DCAF1: variants seen among roughly 807,000 people sequenced by gnomAD.
DCAF1 encodes the protein DDB1- and CUL4-associated factor 1.
DCAF1 carries 15 observed loss-of-function variants against 128.0 expected under a neutral mutation model. That is an observed-to-expected ratio of 0.12 (90% CI 0.08 to 0.18). The LOEUF is 0.18. Ranked by LOEUF, DCAF1 falls within the 10% of genes least tolerant of loss-of-function variation. DCAF1 has a pLI of 1.00. For missense variants in DCAF1, 988 were observed against 1,649.5 expected, an observed-to-expected ratio of 0.60 and a Z score of 6.95; for synonymous variants, 610 against 603.0, an observed-to-expected ratio of 1.01 and a Z score of -0.17.
chr3:51,438,614 G>A (rs901605614), intron 9 of DCAF1, among the ~76,000 whole-genome samples: 1 of 152,160 alleles, frequency 6.6e-6, no homozygotes, highest in African/African-American at 2.4e-5. Flanking sequence ...ATTTTCTTTT[G>A]GCTTTCAGGA....
At chr3:51,422,564 T>C in intron 13 of DCAF1, 133 bp from the exon 14 acceptor site, 1 of 624,422 alleles carries the variant, frequency 1.6e-6, no homozygotes, top group Non-Finnish European at 2.9e-6. Flanking sequence ...CCAGTGTGGC[T>C]CTATCTCAAG....
At chr3:51,400,019 C>T (rs1553624383) in intron 24 of DCAF1, among the ~76,000 whole-genome samples, 1 of 152,178 alleles carries the variant, frequency 6.6e-6, no homozygotes, top group African/African-American at 2.4e-5. Context: ...AGGAGGAAAA[C>T]TGAAGTGGAC....
chr3:51,453,987 C>T (rs1702619219), intron 6 of DCAF1, among the ~76,000 whole-genome samples: 1 of 152,002 alleles, frequency 6.6e-6, no homozygotes, highest in East Asian at 1.9e-4. Context: ...GGGACATACG[C>T]AATTCACACA....
intron 4 of DCAF1, among the ~76,000 whole-genome samples, chr3:51,469,334 G>A (rs1016021376): frequency 2.0e-5 from 3 of 149,578 alleles, no homozygotes; most frequent in Admixed American, 6.8e-5. Flanking sequence ...GGGTTCAAGC[G>A]ATTCTCCTGC....
chr3:51,426,116 A>G (rs1295361503), intron 13 of DCAF1, among the ~76,000 whole-genome samples: 1 of 152,230 alleles, frequency 6.6e-6, no homozygotes, highest in Non-Finnish European at 1.5e-5. Context: ...ACAGAAGCAG[A>G]TATGAGATAT....
intron 5 of DCAF1, 57 bp from the exon 6 acceptor site, chr3:51,463,284 G>C: frequency 1.7e-6 from 2 of 1,159,474 alleles, no homozygotes; most frequent in Admixed American, 2.8e-5. Context: ...TCAAATTAAG[G>C]ACATCTAATA....
In DCAF1 at chr3:51,447,163, T is replaced by G. The variant is rs374563740; in HGVS notation, c.376-3260A>C. On this transcript the variant is annotated intron_variant, in intron 6 of 24. Coordinates refer to ENST00000684031, the MANE Select transcript of DCAF1 (RefSeq NM_001387579.1). Reference sequence around the variant, plus strand: ...GGCTCATGCCTGTAATCCTAGCACTTTGCAAGGCCAAGGCGGGTGGATCAC... The same window carrying G: ...GGCTCATGCCTGTAATCCTAGCACTGTGCAAGGCCAAGGCGGGTGGATCAC... Among the ~76,000 whole-genome samples, 8 of 152,030 alleles carry G rather than the reference T, an allele frequency of 5.3e-5. No homozygotes were observed. The East Asian group carries it at 1.2e-3, about 22-fold the overall frequency.
rs2107448626 is a variant in DCAF1, at chr3:51,424,300, T to A, written c.1848-1869A>T. Among the ~76,000 whole-genome samples, 2 of 151,256 alleles carry A rather than the reference T, an allele frequency of 1.3e-5. 1 individual carries two copies. The highest frequency in any genetic ancestry group is 4.2e-4 in the South Asian group (2 of 4,800). ...CTGTAGTCCCAGTTACTCAGGAGGCTGAAGCAGGAGAATCGCTTGAACCCA... is the reference window on the plus strand; with the variant it reads ...CTGTAGTCCCAGTTACTCAGGAGGCAGAAGCAGGAGAATCGCTTGAACCCA... On this transcript the variant is annotated intron_variant, in intron 13 of 24. Transcript: ENST00000684031.
At chr3:51,413,817 T>C in intron 20 of DCAF1, 133 bp downstream of exon 20, 1 of 1,188,634 alleles carries the variant, frequency 8.4e-7, no homozygotes, top group Non-Finnish European at 1.1e-6. Flanking sequence ...TACTATCAAT[T>C]TTTTATCTTT....
intron 8 of DCAF1, 110 bp downstream of exon 8, chr3:51,441,275 G>C: frequency 1.5e-6 from 2 of 1,376,668 alleles, no homozygotes; most frequent in South Asian, 3.0e-5. Flanking sequence ...GCAAACCCTT[G>C]TTTGTGGTAG....
At chr3:51,451,069 CTTTTTTTTTTTTTTTTTTTT>C (rs1167474829) in intron 6 of DCAF1, among the ~76,000 whole-genome samples, 835 of 27,130 alleles carry the variant, frequency 0.031, 49 homozygotes, top group African/African-American at 0.09. Flanking sequence ...AAAGGAAATT[CTTTTTTTTTTTTTTTTTTTT>C]TTTTTTTTTT....
At chr3:51,501,910 C>CCA (rs1708826639), upstream of DCAF1, among the ~76,000 whole-genome samples, 1 of 152,114 alleles carries the variant, frequency 6.6e-6, no homozygotes, top group Non-Finnish European at 1.5e-5. Flanking sequence ...CACTACCCTG[C>CCA]CACACACACA....
chr3:51,430,231 A>T lies in DCAF1; in HGVS notation c.1288-19T>A. 1 of 768,704 alleles carries T rather than the reference A, an allele frequency of 1.3e-6. No homozygotes were observed. The highest frequency in any genetic ancestry group is 2.4e-6 in the Non-Finnish European group (1 of 410,078). 47.6% of individuals were successfully genotyped at this position (768,704 alleles called of 1,614,324 possible). On this transcript the variant is annotated intron_variant, in intron 10 of 24. Coordinates refer to ENST00000684031, the MANE Select transcript of DCAF1 (RefSeq NM_001387579.1). ...TGCAAACCTGCAAAAAAATACAAAT[A>T]AAACAATGCTTTTAAATTGTGGGCA... is the stretch of plus-strand genomic sequence containing the variant.
At chr3:51,464,671 G>A (rs1483390989) in intron 5 of DCAF1, among the ~76,000 whole-genome samples, 2 of 150,574 alleles carry the variant, frequency 1.3e-5, no homozygotes, top group Non-Finnish European at 2.9e-5. Context: ...AGCGTGAGAT[G>A]CTGTCTTAAA....
chr3:51,418,934 A>C, intron 15 of DCAF1, 58 bp from the exon 16 acceptor site: 1 of 1,511,996 alleles, frequency 6.6e-7, no homozygotes, highest in Non-Finnish European at 8.9e-7. Context: ...CAGAAAAAGC[A>C]AACTGCTAGG....
rs1256083135 is a variant in DCAF1 at position 51,478,040 on chromosome 3, C to G, written c.110+5679G>C. On this transcript the variant is annotated intron_variant, in intron 3 of 24. Coordinates refer to ENST00000684031, the MANE Select transcript of DCAF1 (RefSeq NM_001387579.1). ...TTGTTGTTGTTGAGACAGAGTCTCT[C>G]TTGCCCAGGCTGGAGTGTAGTGGCA... Among the ~76,000 whole-genome samples, 13 of 152,184 alleles carry G rather than the reference C, an allele frequency of 8.5e-5. No homozygotes were observed. In the South Asian group the frequency reaches 2.3e-3, roughly 27 times the overall value.
rs564148672 is a variant in DCAF1 at position 51,400,633 on chromosome 3, C to T, written c.4466-1806G>A. Reference sequence around the variant, plus strand: ...CAGACCATAGGACGCCTTTCTCTACCTTCCTTATCCTTTCCCCACCTTCCT... The same window carrying T: ...CAGACCATAGGACGCCTTTCTCTACTTTCCTTATCCTTTCCCCACCTTCCT... On this transcript the variant is annotated intron_variant, in intron 24 of 24. Transcript: ENST00000684031. 2.6e-5 allele frequency among the ~76,000 whole-genome samples: 4 copies of T among 152,218 alleles called. No homozygotes were observed. The South Asian group carries it at 6.2e-4, about 24-fold the overall frequency.
chr3:51,414,554 A>G (rs1698710901), intron 19 of DCAF1, 70 bp downstream of exon 19: 3 of 1,574,404 alleles, frequency 1.9e-6, no homozygotes, highest in South Asian at 2.4e-5. Context: ...TGGTATAAAG[A>G]TAGAACAAAT....
intron 13 of DCAF1, among the ~76,000 whole-genome samples, chr3:51,425,811 G>A (rs543740941): frequency 5.3e-5 from 8 of 151,696 alleles, no homozygotes; most frequent in African/African-American, 9.7e-5. Context: ...CAATCTGCCC[G>A]TCTCAGCCTC....
Sources: allele counts gnomAD v4.1 joint callset (sites outside exome capture counted in the v4.1 genomes callset), GRCh38; gene constraint gnomAD v4.1.1; transcripts MANE v1.5; gene names NCBI Gene and HGNC (gene_info 2026-07-23, HGNC 2026-07-21).